VLDLR: variants seen among roughly 807,000 people sequenced by gnomAD.
VLDLR encodes the protein very low-density lipoprotein receptor.
In VLDLR, 81 loss-of-function variants were observed where a neutral mutation model predicts 112.7. The observed-to-expected ratio is 0.72, with a 90% CI of 0.60 to 0.86. The LOEUF (loss-of-function observed/expected upper bound fraction) is 0.86. Ranked by LOEUF, VLDLR falls within the 40% of genes least tolerant of loss-of-function variation. VLDLR has a pLI of 0.00. For missense variants in VLDLR, 1,237 were observed against 1,099.4 expected (o/e 1.13, Z -1.77); for synonymous variants, 436 against 384.8 (o/e 1.13, Z -1.56).
intron 2 of VLDLR, among the ~76,000 whole-genome samples, chr9:2,636,056 C>T (rs775773585): frequency 1.3e-5 from 2 of 152,132 alleles, no homozygotes; most frequent in African/African-American, 2.4e-5. Context: ...TCTCTGCCTA[C>T]AATAGTTGCT....
Position 2,652,936 on chromosome 9 carries a change from A to G in VLDLR, c.2573A>G (p.His858Arg), listed in dbSNP as rs1455751142. 1 of 1,614,100 alleles carries G rather than the reference A, an allele frequency of 6.2e-7. No individual in the cohort carries two copies. The highest frequency in any genetic ancestry group is 1.3e-5 in the African/African-American group (1 of 75,044). ...DIGRHSASVG[H>R]TYPAISVVST... The stretch of plus-strand genomic sequence containing the variant: ...GGTAGACACAGTGCTTCTGTTGGAC[A>G]CACGTACCCAGCAGTAAGTCAGCTT... Residue 858 changes from histidine to arginine, a missense_variant, in exon 18 of 19, where the codon CAC becomes CGC. His to Arg is a conservative substitution (Grantham distance 29, BLOSUM62 0). Coordinates refer to ENST00000382100, the MANE Select transcript of VLDLR (RefSeq NM_003383.5).
In VLDLR at chr9:2,622,153, C is replaced by CGGT. The variant is rs2130747354; in HGVS notation, c.-35_-34insTGG. On this transcript the variant is annotated 5_prime_UTR_variant, in exon 1 of 19. Transcript: ENST00000382100. ...ACTTGTCGTGCGGAGCGAACGGCGG[C>CGGT]GGCGGCGGCGGCGGCGGCACCATCC... is the stretch of plus-strand genomic sequence containing the variant. The CGGT allele has an allele frequency of 1.7e-6, 1 of 599,580 alleles. No homozygotes were observed. The allele number at this position is 599,580 out of a possible 1,614,324, so 37.1% of individuals were successfully genotyped here. A position where few individuals can be genotyped will look rare whatever the true frequency, so the allele number is the denominator to read the frequency against.
intron 13 of VLDLR, 76 bp downstream of exon 13, chr9:2,648,423 G>A: frequency 6.2e-7 from 1 of 1,604,132 alleles, no homozygotes; most frequent in Non-Finnish European, 8.5e-7. Flanking sequence ...AGACATAGCG[G>A]GAGGAGGGAA....
In VLDLR at chr9:2,643,464, C is replaced by T; in HGVS notation, c.753C>T (p.Cys251=). The stretch of plus-strand genomic sequence containing the variant: ...AAATCCAGTGCGGCTCTGGCGAGTG[C>T]ATCCATAAGAAGTGGCGATGTGATG... ...ASEIQCGSGE[C]IHKKWRCDGD... is the part of the protein sequence containing the mutation. Residue 251 remains cysteine, a synonymous_variant, in exon 5 of 19, where the codon TGC becomes TGT. Coordinates refer to ENST00000382100, the MANE Select transcript of VLDLR (RefSeq NM_003383.5). 6.2e-7 allele frequency: 1 copy of T among 1,614,196 alleles called. No homozygotes were observed. Among genetic ancestry groups the T allele is most frequent in the Non-Finnish European group, 8.5e-7 (1 of 1,180,026 alleles).
In VLDLR at chr9:2,655,551, C is replaced by T. The variant is rs1295555071; in HGVS notation, c.*1683C>T. On this transcript the variant is annotated 3_prime_UTR_variant, in exon 19 of 19. Coordinates refer to ENST00000382100, the MANE Select transcript of VLDLR (RefSeq NM_003383.5). ...CAGTGGATGACTCATATTTCACTTG[C>T]ATATGAAATATAAGGCAGTTAACAT... The T allele has an allele frequency of 6.6e-6, 1 of 152,132 alleles. No individual in the cohort carries two copies. Among genetic ancestry groups the T allele is most frequent in the Non-Finnish European group, 1.5e-5 (1 of 68,034 alleles). 9.4% of individuals were successfully genotyped at this position (152,132 alleles called of 1,614,324 possible). A position where few individuals can be genotyped will look rare whatever the true frequency, so the allele number is the denominator to read the frequency against.
intron 15 of VLDLR, among the ~76,000 whole-genome samples, chr9:2,650,892 C>A (rs887690976): frequency 6.6e-6 from 1 of 152,118 alleles, no homozygotes; most frequent in Admixed American, 6.5e-5. Flanking sequence ...CAGTGGGTGA[C>A]GCTACCCTAA....
rs114376358 is a variant in VLDLR at position 2,623,479 on chromosome 9, C to T, written c.82+1208C>T. Among the ~76,000 whole-genome samples, 904 of 152,298 alleles carry T rather than the reference C, an allele frequency of 5.9e-3. 3 individuals carry two copies. The highest frequency in any genetic ancestry group is 8.6e-3 in the African/African-American group (359 of 41,578). On this transcript the variant is annotated intron_variant, in intron 1 of 18. Coordinates refer to ENST00000382100, the MANE Select transcript of VLDLR (RefSeq NM_003383.5). ...CGGGTGGCTTCAGGGGCCCTGCCGG[C>T]CTGCAGTCACGTGCTCCTGAAGTGA...
At position 2,659,124 on chromosome 9, in the gene VLDLR, G is replaced by A. The variant is rs1051095673; in HGVS notation, c.*5256G>A. On this transcript the variant is annotated 3_prime_UTR_variant, in exon 19 of 19. Coordinates refer to ENST00000382100, the MANE Select transcript of VLDLR (RefSeq NM_003383.5). ...ATATGCTTACTTTTGTACTAAGTAA[G>A]TGCTCCCAAGTCTTTTACTTGCTCT... 1.4e-4 allele frequency: 21 copies of A among 152,202 alleles called. No individual in the cohort carries two copies. Among genetic ancestry groups the A allele is most frequent in the African/African-American group, 5.1e-4 (21 of 41,452 alleles). 9.4% of individuals were successfully genotyped at this position (152,202 alleles called of 1,614,324 possible).
At chr9:2,628,690 A>C (rs1817207080) in intron 1 of VLDLR, among the ~76,000 whole-genome samples, 1 of 152,200 alleles carries the variant, frequency 6.6e-6, no homozygotes, top group African/African-American at 2.4e-5. Context: ...GCCAAATGTC[A>C]GGGAAGAATT....
At chr9:2,622,599 A>G (rs1037084987) in intron 1 of VLDLR, among the ~76,000 whole-genome samples, 2 of 152,164 alleles carry the variant, frequency 1.3e-5, no homozygotes, top group African/African-American at 4.8e-5. Context: ...GCTTCTGAGC[A>G]TTGAACAATG....
Position 2,646,396 on chromosome 9 carries a change from C to T in VLDLR, c.1547C>T (p.Ala516Val), listed in dbSNP as rs912446211. The T allele has an allele frequency of 6.2e-7, 1 of 1,614,174 alleles. No individual in the cohort carries two copies. Among genetic ancestry groups the T allele is most frequent in the African/African-American group, 1.3e-5 (1 of 75,032 alleles). Residue 516 changes from alanine (A) to valine (V), a missense_variant, in exon 11 of 19, where the codon GCA becomes GTA. Physicochemically the swap from Ala to Val is moderately conservative, Grantham distance 64 (BLOSUM62 0). Coordinates refer to ENST00000382100, the MANE Select transcript of VLDLR (RefSeq NM_003383.5). ...VKMIDNVYNP[A>V]AIAVDWVYKT... ...ATGATCGACAATGTCTATAATCCTG[C>T]AGCCATTGCTGTTGATTGGGTGTAC...
chr9:2,648,081 G>T (rs1818152445), intron 12 of VLDLR, 127 bp from the exon 13 acceptor site: 1 of 1,316,826 alleles, frequency 7.6e-7, no homozygotes, highest in East Asian at 2.5e-5. Context: ...AAGGTTTATG[G>T]TGACCCCGTT....
At position 2,643,490 on chromosome 9, in the gene VLDLR, G is replaced by A; in HGVS notation, c.779G>A (p.Gly260Glu). ...ECIHKKWRCD[G>E]DPDCKDGSDE... is the part of the protein sequence containing the mutation. ...ATCCATAAGAAGTGGCGATGTGATG[G>A]GGACCCTGACTGCAAGGATGGCAGT... Residue 260 changes from glycine (G) to glutamate (E), a missense_variant, in exon 5 of 19, where the codon GGG becomes GAG. Transcript: ENST00000382100. The A allele has an allele frequency of 1.2e-6, 2 of 1,614,214 alleles. No homozygotes were observed. The highest frequency in any genetic ancestry group is 1.7e-6 in the Non-Finnish European group (2 of 1,180,040).
intron 7 of VLDLR, 75 bp from the exon 8 acceptor site, chr9:2,644,659 A>C (rs1002394483): frequency 3.7e-6 from 6 of 1,605,032 alleles, no homozygotes; most frequent in Non-Finnish European, 5.1e-6. Flanking sequence ...AGTTATCACA[A>C]ATAGCCTGGG....
chr9:2,650,339 C>T, intron 14 of VLDLR, 31 bp from the exon 15 acceptor site: 1 of 1,613,210 alleles, frequency 6.2e-7, no homozygotes, highest in Non-Finnish European at 8.5e-7. Context: ...ACCGGAATAC[C>T]CATTTTAATG....
chr9:2,641,678 G>T (rs1188022399), intron 4 of VLDLR, among the ~76,000 whole-genome samples, 179 bp downstream of exon 4: 1 of 152,158 alleles, frequency 6.6e-6, no homozygotes, highest in Non-Finnish European at 1.5e-5. Context: ...AGACATTCAT[G>T]TGGCAATTGA....
At chr9:2,648,632 C>T in intron 13 of VLDLR, 37 bp from the exon 14 acceptor site, 1 of 1,614,096 alleles carries the variant, frequency 6.2e-7, no homozygotes. Context: ...TTGTGTTAAT[C>T]CTGGATGTAC....
At chr9:2,638,032 C>T (rs1313322605) in intron 2 of VLDLR, among the ~76,000 whole-genome samples, 2 of 152,222 alleles carry the variant, frequency 1.3e-5, no homozygotes, top group Non-Finnish European at 2.9e-5. Context: ...TCTTTTGTAG[C>T]TTCCAAAGAA....
intron 3 of VLDLR, among the ~76,000 whole-genome samples, chr9:2,640,944 G>T (rs113570034): frequency 2.6e-5 from 4 of 152,308 alleles, no homozygotes; most frequent in African/African-American, 9.6e-5. Flanking sequence ...TGTGAAGGAG[G>T]CCCATAAAGG....
Sources: gnomAD v4.1 joint callset for allele counts (sites outside exome capture counted in the v4.1 genomes callset) on GRCh38, gnomAD v4.1.1 for gene constraint, MANE v1.5 for transcripts, NCBI Gene and HGNC (gene_info 2026-07-23, HGNC 2026-07-21) for gene names.